Variants in PPFIA1 observed in about 807,000 individuals in gnomAD.
PPFIA1 encodes liprin-alpha-1.
A neutral mutation model predicts 149.9 loss-of-function variants in PPFIA1; 25 were observed. The observed-to-expected ratio is 0.17, with a 90% CI of 0.12 to 0.23. PPFIA1 has a LOEUF of 0.23. PPFIA1 is among the 10% of genes least tolerant of loss of function. PPFIA1 has a pLI of 1.00. For synonymous variants in PPFIA1, 549 were observed against 552.8 expected (o/e 0.99, Z 0.10); for missense variants, 1,362 against 1,506.5 (o/e 0.90, Z 1.59).
chr11:70,332,123 G>T (rs760244042), intron 9 of PPFIA1, 29 bp downstream of exon 9: 2 of 1,561,400 alleles, frequency 1.3e-6, no homozygotes, highest in Admixed American at 2.0e-5. Flanking sequence ...TTCTGGTTCG[G>T]CTGCCAGGCC....
At chr11:70,284,053 T>C (rs191249039) in intron 2 of PPFIA1, 18 of 522,558 alleles carry the variant, frequency 3.4e-5, no homozygotes, top group African/African-American at 2.9e-4. Flanking sequence ...TTCAACCTAA[T>C]ATGATGCAAA....
chr11:70,348,238 G>C lies in PPFIA1; in HGVS notation c.1981G>C (p.Glu661Gln), dbSNP rs867906957. The C allele has an allele frequency of 6.2e-7, 1 of 1,614,212 alleles. No individual in the cohort carries two copies. The highest frequency in any genetic ancestry group is 2.2e-5 in the East Asian group (1 of 44,876). Residue 661 changes from glutamate (E) to glutamine (Q), a missense_variant, in exon 16 of 28, where the codon GAA becomes CAA. By Grantham distance (29) the Glu-to-Gln change is conservative (BLOSUM62 2). Coordinates refer to ENST00000253925, the MANE Select transcript of PPFIA1 (RefSeq NM_003626.5). ...ENTEQRAEEI[E>Q]SRVGSGSLDN... ...TACAGAGCAGCGGGCAGAGGAGATT[G>C]AAAGTCGAGTTGGCAGTGGAAGTCT...
At chr11:70,282,517 GATTT>G (rs2050819692) in intron 2 of PPFIA1, 2 of 111,228 alleles carry the variant, frequency 1.8e-5, no homozygotes, top group African/African-American at 3.7e-5. Context: ...TTTGAGTGCT[GATTT>G]TTTTTTTTTT....
chr11:70,344,226 G>A (rs1425350334), intron 15 of PPFIA1, among the ~76,000 whole-genome samples: 2 of 152,206 alleles, frequency 1.3e-5, no homozygotes, highest in East Asian at 3.9e-4. Flanking sequence ...CCTGAAAGCT[G>A]CACCTGGAAG....
At position 70,355,814 on chromosome 11, in the gene PPFIA1, TGG is replaced by T; in HGVS notation, c.2488+4_2488+5del. ...TGGCAAAGAAGCATTAGGACAAGGT[TGG>T]TTGGTTTTCCGCACCCTTCTCAGCA... On this transcript the variant is annotated splice_donor_5th_base_variant and intron_variant, in intron 18 of 27. Coordinates refer to ENST00000253925, the MANE Select transcript of PPFIA1 (RefSeq NM_003626.5). 1 of 1,605,782 alleles carries T rather than the reference TGG, an allele frequency of 6.2e-7. No homozygotes were observed. The highest frequency in any genetic ancestry group is 8.5e-7 in the Non-Finnish European group (1 of 1,177,056).
Position 70,376,530 on chromosome 11 carries a change from A to G in PPFIA1, c.3316-2A>G. The stretch of plus-strand genomic sequence containing the variant: ...TTATTTGTTTTTCTTTGGTTATTTC[A>G]GGCTCGTGCTGTCTTGGAAAGAGAA... On this transcript the variant is annotated splice_acceptor_variant, in intron 24 of 27. Coordinates refer to ENST00000253925, the MANE Select transcript of PPFIA1 (RefSeq NM_003626.5). LOFTEE classifies it high-confidence loss of function. 6.2e-7 allele frequency: 1 copy of G among 1,611,814 alleles called. No homozygotes were observed. Among genetic ancestry groups the G allele is most frequent in the Non-Finnish European group, 8.5e-7 (1 of 1,177,868 alleles).
chr11:70,379,678 T>A (rs985576264), intron 26 of PPFIA1, among the ~76,000 whole-genome samples: 12 of 151,906 alleles, frequency 7.9e-5, no homozygotes, highest in Admixed American at 7.2e-4. Flanking sequence ...TTGTCATCAG[T>A]CCCTCCCGTA....
At chr11:70,323,279 C>G (rs2054065273) in intron 2 of PPFIA1, among the ~76,000 whole-genome samples, 1 of 152,132 alleles carries the variant, frequency 6.6e-6, no homozygotes, top group African/African-American at 2.4e-5. Flanking sequence ...CTGAATGACG[C>G]CCCTGGTCTT....
chr11:70,359,394 C>G (rs1016971792), intron 19 of PPFIA1, among the ~76,000 whole-genome samples: 1 of 152,218 alleles, frequency 6.6e-6, no homozygotes, highest in African/African-American at 2.4e-5. Flanking sequence ...TTCCTCAGGA[C>G]TCTGCCAGTG....
At chr11:70,328,115 C>T (rs2054430709) in intron 7 of PPFIA1, among the ~76,000 whole-genome samples, 1 of 152,106 alleles carries the variant, frequency 6.6e-6, no homozygotes, top group African/African-American at 2.4e-5. Context: ...TTGGGGTACA[C>T]GTGTAGGTCT....
intron 21 of PPFIA1, 100 bp from the exon 22 acceptor site, chr11:70,372,115 T>C: frequency 1.9e-6 from 2 of 1,046,038 alleles, no homozygotes; most frequent in East Asian, 5.4e-5. Flanking sequence ...AGTTTAGCCT[T>C]TGAGAATATA....
At position 70,333,568 on chromosome 11, in the gene PPFIA1, C is replaced by T; in HGVS notation, c.1296+15C>T. On this transcript the variant is annotated intron_variant, in intron 10 of 27. Transcript: ENST00000253925. Reference sequence around the variant, plus strand: ...AACTGCAGCGGGTGAGCATGCAGCCCTGAGGGTGGGGGCGCTGAGTGGGTG... The same window carrying T: ...AACTGCAGCGGGTGAGCATGCAGCCTTGAGGGTGGGGGCGCTGAGTGGGTG... 1.2e-6 allele frequency: 2 copies of T among 1,603,034 alleles called. No homozygotes were observed. The highest frequency in any genetic ancestry group is 2.7e-5 in the African/African-American group (2 of 74,790).
chr11:70,366,402 A>T (rs1375521061), intron 21 of PPFIA1, among the ~76,000 whole-genome samples: 1 of 152,234 alleles, frequency 6.6e-6, no homozygotes. Context: ...TTGATTTTTT[A>T]CTAAATACTA....
intron 23 of PPFIA1, 28 bp downstream of exon 23, chr11:70,372,602 G>A (rs1477148326): frequency 6.4e-7 from 1 of 1,551,542 alleles, no homozygotes; most frequent in East Asian, 2.2e-5. Context: ...AATTGATTCG[G>A]TTTACTCCTA....
intron 9 of PPFIA1, among the ~76,000 whole-genome samples, chr11:70,332,698 G>T (rs1386055081): frequency 6.6e-6 from 1 of 152,186 alleles, no homozygotes; most frequent in East Asian, 1.9e-4. Flanking sequence ...TCCTGGGATC[G>T]GCGAGTACCC....
At chr11:70,311,240 G>A (rs1419041437) in intron 2 of PPFIA1, among the ~76,000 whole-genome samples, 1 of 151,934 alleles carries the variant, frequency 6.6e-6, no homozygotes, top group East Asian at 1.9e-4. Context: ...CCTGGAAGGT[G>A]GAGGTTGTGG....
At chr11:70,319,685 T>C (rs1438270075) in intron 2 of PPFIA1, among the ~76,000 whole-genome samples, 1 of 152,206 alleles carries the variant, frequency 6.6e-6, no homozygotes, top group Non-Finnish European at 1.5e-5. Flanking sequence ...TAAGGTGATT[T>C]CTATAGCCTT....
At chr11:70,310,385 CT>C (rs754099737) in intron 2 of PPFIA1, among the ~76,000 whole-genome samples, 8,579 of 132,106 alleles carry the variant, frequency 0.065, 817 homozygotes, top group African/African-American at 0.23. Flanking sequence ...CATCCATGTA[CT>C]TTTTTTTTTT....
chr11:70,365,168 C>T (rs1289723795), intron 21 of PPFIA1: 5 of 225,104 alleles, frequency 2.2e-5, no homozygotes, highest in East Asian at 1.2e-4. Flanking sequence ...CTCTCGTCAT[C>T]GTGTGCTCTT....
Sources: allele counts gnomAD v4.1 joint callset (sites outside exome capture counted in the v4.1 genomes callset), GRCh38; gene constraint gnomAD v4.1.1; transcripts MANE v1.5; gene names NCBI Gene and HGNC (gene_info 2026-07-23, HGNC 2026-07-21).